PTPRR: variants seen among roughly 807,000 people sequenced by gnomAD.
PTPRR encodes the protein protein tyrosine phosphatase receptor type R.
PTPRR carries 38 observed loss-of-function variants against 77.2 expected under a neutral mutation model. That is an observed-to-expected ratio of 0.49 (90% CI 0.38 to 0.65). The LOEUF (loss-of-function observed/expected upper bound fraction) is 0.65. Ranked by LOEUF, PTPRR falls within the 30% of genes least tolerant of loss-of-function variation. The probability of loss-of-function intolerance (pLI) is 0.00; values close to 1 mark genes in which losing one functional copy is unlikely to be tolerated. For missense variants in PTPRR, 744 were observed against 799.2 expected, an observed-to-expected ratio of 0.93 and a Z score of 0.83; for synonymous variants, 299 against 283.1, an observed-to-expected ratio of 1.06 and a Z score of -0.57.
intron 2 of PTPRR, among the ~76,000 whole-genome samples, chr12:70,814,008 A>G (rs1891856081): frequency 6.6e-6 from 1 of 152,188 alleles, no homozygotes; most frequent in Non-Finnish European, 1.5e-5. Context: ...CAGAGTATCA[A>G]AGCCTTATCA....
intron 1 of PTPRR, among the ~76,000 whole-genome samples, chr12:70,905,331 G>C (rs1893605062): frequency 1.3e-5 from 2 of 151,828 alleles, no homozygotes; most frequent in African/African-American, 4.8e-5. Context: ...GGAATTGAAA[G>C]AGTTATTGTA....
intron 2 of PTPRR, among the ~76,000 whole-genome samples, chr12:70,852,841 G>A (rs1274753551): frequency 6.6e-6 from 1 of 152,042 alleles, no homozygotes; most frequent in Non-Finnish European, 1.5e-5. Context: ...TTCTGATATT[G>A]CGTTTAACAT....
chr12:70,798,496 C>T (rs1891555319), intron 2 of PTPRR, among the ~76,000 whole-genome samples: 1 of 152,222 alleles, frequency 6.6e-6, no homozygotes, highest in Non-Finnish European at 1.5e-5. Flanking sequence ...ACAGGCTCCA[C>T]AGCTCACCCT....
intron 10 of PTPRR, among the ~76,000 whole-genome samples, chr12:70,666,767 T>C (rs1162186745): frequency 2.0e-5 from 3 of 152,010 alleles, no homozygotes; most frequent in African/African-American, 4.8e-5. Context: ...ACAATGTGAT[T>C]GACATAAACT....
intron 9 of PTPRR, 144 bp downstream of exon 9, chr12:70,684,560 A>G (rs1042920772): frequency 1.5e-6 from 1 of 677,752 alleles, no homozygotes; most frequent in Non-Finnish European, 2.5e-6. Context: ...AATGTTGATT[A>G]TGACTAAGAT....
intron 10 of PTPRR, among the ~76,000 whole-genome samples, chr12:70,669,431 A>G (rs554899361): frequency 2.0e-4 from 30 of 148,570 alleles, no homozygotes; most frequent in Middle Eastern, 3.6e-3. Context: ...TTCCAAAGCT[A>G]TTTTATATAT....
At chr12:70,684,492 G>C (rs7958993) in intron 9 of PTPRR, among the ~76,000 whole-genome samples, 3,213 of 152,198 alleles carry the variant, frequency 0.021, 123 homozygotes, top group African/African-American at 0.074. Context: ...TACCCATATA[G>C]AGCACTGTTG....
intron 2 of PTPRR, among the ~76,000 whole-genome samples, chr12:70,773,574 C>T (rs1302573745): frequency 2.0e-5 from 3 of 151,994 alleles, no homozygotes; most frequent in East Asian, 1.9e-4. Flanking sequence ...TGGAGCATAT[C>T]ATGGGTAAAG....
intron 2 of PTPRR, among the ~76,000 whole-genome samples, chr12:70,782,555 T>C (rs575138012): frequency 6.6e-6 from 1 of 152,208 alleles, no homozygotes; most frequent in East Asian, 1.9e-4. Flanking sequence ...TGGATGAAGC[T>C]GGAAACCATC....
chr12:70,816,464 T>C (rs2137035667), intron 2 of PTPRR, among the ~76,000 whole-genome samples: 2 of 152,210 alleles, frequency 1.3e-5, no homozygotes, highest in South Asian at 4.1e-4. Context: ...CCCCAAGGAT[T>C]GTTCAAGATA....
chr12:70,706,991 C>A (rs1888641309), intron 6 of PTPRR, among the ~76,000 whole-genome samples: 1 of 143,500 alleles, frequency 7.0e-6, no homozygotes, highest in South Asian at 2.4e-4. Context: ...ATTTTTGCTT[C>A]ACTCTCTATT....
chr12:70,885,492 T>C (rs1893223032), intron 2 of PTPRR, among the ~76,000 whole-genome samples: 1 of 151,766 alleles, frequency 6.6e-6, no homozygotes, highest in Non-Finnish European at 1.5e-5. Flanking sequence ...GAAAAGAATA[T>C]ATAGAGAGAG....
intron 10 of PTPRR, chr12:70,672,071 GT>G: frequency 7.5e-7 from 1 of 1,339,754 alleles, no homozygotes; most frequent in South Asian, 1.2e-5. Flanking sequence ...TGGTGGAAGG[GT>G]TATCAACCTC....
intron 2 of PTPRR, among the ~76,000 whole-genome samples, chr12:70,777,178 T>C (rs1214454933): frequency 6.6e-6 from 1 of 152,110 alleles, no homozygotes; most frequent in Non-Finnish European, 1.5e-5. Context: ...TATACCATCA[T>C]CAAATATCAT....
At chr12:70,706,575 C>T (rs78578562) in intron 6 of PTPRR, among the ~76,000 whole-genome samples, 3,488 of 152,176 alleles carry the variant, frequency 0.023, 132 homozygotes, top group African/African-American at 0.079. Context: ...CTACACCTCA[C>T]TAGGTAGAAT....
At chr12:70,861,607 C>T (rs1892754614) in intron 2 of PTPRR, among the ~76,000 whole-genome samples, 1 of 152,098 alleles carries the variant, frequency 6.6e-6, no homozygotes, top group Admixed American at 6.6e-5. Context: ...TATGGAATGA[C>T]TGGGATTGAT....
chr12:70,826,003 A>G (rs563148833), intron 2 of PTPRR, among the ~76,000 whole-genome samples: 1 of 152,298 alleles, frequency 6.6e-6, no homozygotes, highest in Non-Finnish European at 1.5e-5. Flanking sequence ...TTGATTATTG[A>G]TCTTTTCAGA....
At chr12:70,643,532 T>C (rs1471912402) in intron 13 of PTPRR, among the ~76,000 whole-genome samples, 1 of 152,114 alleles carries the variant, frequency 6.6e-6, no homozygotes, top group African/African-American at 2.4e-5. Flanking sequence ...AAGAAGCTAG[T>C]ACAGTGTCTG....
At chr12:70,910,476 G>A (rs988442112) in intron 1 of PTPRR, among the ~76,000 whole-genome samples, 2 of 152,108 alleles carry the variant, frequency 1.3e-5, no homozygotes, top group South Asian at 2.1e-4. Context: ...AGGGATTTAG[G>A]AAATACTCAT....
Sources: allele counts gnomAD v4.1 joint callset (sites outside exome capture counted in the v4.1 genomes callset), GRCh38; gene constraint gnomAD v4.1.1; transcripts MANE v1.5; gene names NCBI Gene and HGNC (gene_info 2026-07-23, HGNC 2026-07-21).